FSHR: variants seen among roughly 807,000 people sequenced by gnomAD.
The protein encoded by FSHR is follicle stimulating hormone receptor, also known as follicle-stimulating hormone receptor.
A neutral mutation model predicts 52.1 loss-of-function variants in FSHR; 46 were observed. The ratio of observed to expected loss-of-function variants is 0.88; its 90% confidence interval spans 0.70 to 1.13. The LOEUF is 1.13. FSHR is among the 50% of genes most tolerant of loss of function. FSHR has a pLI of 0.00. For missense variants in FSHR, 964 were observed against 834.6 expected, an observed-to-expected ratio of 1.16 and a Z score of -1.91; for synonymous variants, 399 against 309.6, an observed-to-expected ratio of 1.29 and a Z score of -3.03.
intron 8 of FSHR, among the ~76,000 whole-genome samples, chr2:48,979,623 C>G (rs575727306): frequency 7.2e-5 from 11 of 152,268 alleles, no homozygotes; most frequent in African/African-American, 2.4e-4. Flanking sequence ...ATATGGAGGA[C>G]TTGCCCCTTA....
chr2:49,060,889 T>C (rs906716211), intron 2 of FSHR, among the ~76,000 whole-genome samples: 4 of 151,886 alleles, frequency 2.6e-5, no homozygotes, highest in African/African-American at 9.7e-5. Flanking sequence ...CTGTAAAGAG[T>C]CTAGAATGCT....
chr2:49,135,468 C>T (rs566926723), intron 1 of FSHR, among the ~76,000 whole-genome samples: 2 of 151,880 alleles, frequency 1.3e-5, no homozygotes, highest in Non-Finnish European at 2.9e-5. Flanking sequence ...TAAGGTCATG[C>T]TTATAGAAAA....
At chr2:49,006,364 G>A (rs138484980) in intron 4 of FSHR, among the ~76,000 whole-genome samples, 8 of 151,950 alleles carry the variant, frequency 5.3e-5, no homozygotes, top group East Asian at 3.9e-4. Context: ...TTCCTACTGC[G>A]TTAGGCTTAA....
At chr2:49,068,377 C>T (rs957020083) in intron 1 of FSHR, 87 bp from the exon 2 acceptor site, 1 of 1,102,298 alleles carries the variant, frequency 9.1e-7, no homozygotes, top group Non-Finnish European at 1.4e-6. Context: ...CAAACAGTTA[C>T]CATATACTAA....
At chr2:49,092,759 G>A (rs906949295) in intron 1 of FSHR, among the ~76,000 whole-genome samples, 7 of 152,104 alleles carry the variant, frequency 4.6e-5, no homozygotes, top group African/African-American at 7.2e-5. Context: ...TTCACCTCCC[G>A]GGTTCAAGTG....
intron 2 of FSHR, among the ~76,000 whole-genome samples, chr2:49,024,900 C>G (rs761877678): frequency 6.6e-6 from 1 of 152,184 alleles, no homozygotes; most frequent in South Asian, 2.1e-4. Context: ...TCCATAGACC[C>G]TCTGTTACTG....
rs558745298 is a variant in FSHR, at chr2:49,114,109, T to C, written c.152+40157A>G. 2.0e-5 allele frequency among the ~76,000 whole-genome samples: 3 copies of C among 152,216 alleles called. No homozygotes were observed. In the East Asian group the frequency reaches 5.8e-4, roughly 29 times the overall value. On this transcript the variant is annotated intron_variant, in intron 1 of 9. Transcript: ENST00000406846. ...GAAGACTTGCTTCCCAGAAAATCCA[T>C]CATCTTACTCCCCTCCTTCGTTACC... is the stretch of plus-strand genomic sequence containing the variant.
chr2:49,012,092 G>T (rs1414108488), intron 4 of FSHR, among the ~76,000 whole-genome samples: 2 of 152,084 alleles, frequency 1.3e-5, no homozygotes, highest in Non-Finnish European at 2.9e-5. Context: ...GAAGATGGTT[G>T]TCAGTGGGGC....
At chr2:49,072,723 G>A (rs1019226185) in intron 1 of FSHR, among the ~76,000 whole-genome samples, 3 of 152,086 alleles carry the variant, frequency 2.0e-5, no homozygotes, top group Non-Finnish European at 4.4e-5. Context: ...TTCTCTTTGA[G>A]TTTATTGGTA....
intron 2 of FSHR, among the ~76,000 whole-genome samples, chr2:49,039,349 A>C (rs1668402522): frequency 6.6e-6 from 1 of 152,166 alleles, no homozygotes; most frequent in African/African-American, 2.4e-5. Flanking sequence ...AATGATATTC[A>C]ACATCCATTG....
At chr2:49,114,763 G>T (rs139280092) in intron 1 of FSHR, among the ~76,000 whole-genome samples, 221 of 152,194 alleles carry the variant, frequency 1.5e-3, no homozygotes, top group African/African-American at 5.0e-3. Flanking sequence ...TAGGGAAACT[G>T]AGGCACCCAG....
intron 1 of FSHR, among the ~76,000 whole-genome samples, chr2:49,073,258 G>A (rs1669815803): frequency 6.6e-6 from 1 of 152,034 alleles, no homozygotes; most frequent in African/African-American, 2.4e-5. Context: ...TGGAAAAGAG[G>A]AAGGCAAATT....
chr2:49,154,360 G>A lies in FSHR; in HGVS notation c.58C>T (p.His20Tyr). 1 of 1,613,656 alleles carries A rather than the reference G, an allele frequency of 6.2e-7. No individual in the cohort carries two copies. Among genetic ancestry groups the A allele is most frequent in the Non-Finnish European group, 8.5e-7 (1 of 1,179,938 alleles). The change falls in exon 1 of 10, where the codon CAT (histidine) becomes TAT (tyrosine). Residue 20 changes from histidine (H) to tyrosine (Y), a missense_variant. By Grantham distance (83) the His-to-Tyr change is moderately conservative. Transcript: ENST00000406846. ...AFLSLGSGCH[H>Y]RICHCSNRVF... ...CTGTTAGAGCAGTGACAGATCCGAT[G>A]ATGACATCCTGAGCCCAAGCTCAGG...
At chr2:49,109,183 A>C (rs13024843) in intron 1 of FSHR, among the ~76,000 whole-genome samples, 1 of 152,078 alleles carries the variant, frequency 6.6e-6, no homozygotes, top group South Asian at 2.1e-4. Flanking sequence ...CAGAAAGATG[A>C]GCAGTGTGTT....
chr2:49,123,672 A>G (rs1558453924), intron 1 of FSHR, among the ~76,000 whole-genome samples: 1 of 152,210 alleles, frequency 6.6e-6, no homozygotes, highest in Non-Finnish European at 1.5e-5. Flanking sequence ...ACTTTAAAAT[A>G]AAAGGAATCA....
intron 2 of FSHR, among the ~76,000 whole-genome samples, chr2:49,026,770 C>T (rs991936919): frequency 6.6e-6 from 1 of 152,074 alleles, no homozygotes; most frequent in African/African-American, 2.4e-5. Flanking sequence ...TTTCCCTGTA[C>T]ACCATATTTA....
Position 48,989,021 on chromosome 2 carries a change from A to G in FSHR, c.480T>C (p.Ile160=). 1 of 1,613,978 alleles carries G rather than the reference A, an allele frequency of 6.2e-7. No homozygotes were observed. Among genetic ancestry groups the G allele is most frequent in the Non-Finnish European group, 8.5e-7 (1 of 1,179,922 alleles). ...TCAGCCCCACGAAAGAATTTCTTTCAATTGTGTGGATGTTTATGTTATCTT... is the reference window on the plus strand; with the variant it reads ...TCAGCCCCACGAAAGAATTTCTTTCGATTGTGTGGATGTTTATGTTATCTT... The part of the protein sequence containing the change: ...DIQDNINIHT[I]ERNSFVGLSF... Residue 160 remains isoleucine (I), a synonymous_variant, in exon 6 of 10, where the codon ATT becomes ATC. Transcript: ENST00000406846.
intron 2 of FSHR, among the ~76,000 whole-genome samples, chr2:49,039,983 T>C (rs1668424339): frequency 6.6e-6 from 1 of 152,092 alleles, no homozygotes; most frequent in Non-Finnish European, 1.5e-5. Flanking sequence ...TGTCCTATCT[T>C]AATTGTGAAA....
At chr2:49,012,162 T>A (rs907017019) in intron 4 of FSHR, among the ~76,000 whole-genome samples, 3 of 152,122 alleles carry the variant, frequency 2.0e-5, no homozygotes, top group Non-Finnish European at 4.4e-5. Context: ...TATGGTTTAT[T>A]GAGCAGCAAA....
Sources: gnomAD v4.1 joint callset for allele counts (sites outside exome capture counted in the v4.1 genomes callset) on GRCh38, gnomAD v4.1.1 for gene constraint, MANE v1.5 for transcripts, NCBI Gene and HGNC (gene_info 2026-07-23, HGNC 2026-07-21) for gene names.